COMMD10: variants seen among roughly 807,000 people sequenced by gnomAD.
The protein encoded by COMMD10 is COMM domain-containing protein 10.
A neutral mutation model predicts 28.9 loss-of-function variants in COMMD10; 33 were observed. That is an observed-to-expected ratio of 1.14 (90% CI 0.87 to 1.53). The LOEUF is 1.53. COMMD10 is among the 40% of genes most tolerant of loss of function. COMMD10 has a pLI of 0.00. For missense variants in COMMD10, 310 were observed against 233.4 expected (o/e 1.33, Z -2.14); for synonymous variants, 110 against 81.7 (o/e 1.35, Z -1.87).
At chr5:116,261,063 G>A (rs974298213) in intron 5 of COMMD10, among the ~76,000 whole-genome samples, 7 of 151,762 alleles carry the variant, frequency 4.6e-5, no homozygotes. Flanking sequence ...TCCTACTTGA[G>A]AGACATCAGT....
intron 5 of COMMD10, among the ~76,000 whole-genome samples, chr5:116,233,019 C>A (rs577233599): frequency 1.3e-5 from 2 of 152,100 alleles, no homozygotes; most frequent in South Asian, 2.1e-4. Context: ...ATGTGGAGCA[C>A]GGTAGCATTT....
At chr5:116,243,149 G>A (rs1749856948) in intron 5 of COMMD10, among the ~76,000 whole-genome samples, 1 of 152,082 alleles carries the variant, frequency 6.6e-6, no homozygotes, top group African/African-American at 2.4e-5. Flanking sequence ...ATTAAATGCT[G>A]ACTGCACTAT....
At chr5:116,131,245 A>G (rs753634923) in intron 4 of COMMD10, among the ~76,000 whole-genome samples, 3 of 152,050 alleles carry the variant, frequency 2.0e-5, no homozygotes, top group Admixed American at 6.6e-5. Flanking sequence ...GTCAATTAGT[A>G]TGGAACTTCA....
chr5:116,143,152 A>C (rs1301560746), intron 5 of COMMD10, among the ~76,000 whole-genome samples: 2 of 149,858 alleles, frequency 1.3e-5, no homozygotes, highest in Non-Finnish European at 3.0e-5. Context: ...GATACAAATC[A>C]TATGTATATA....
chr5:116,192,895 A>T (rs987903345), intron 5 of COMMD10, among the ~76,000 whole-genome samples: 1 of 152,234 alleles, frequency 6.6e-6, no homozygotes, highest in African/African-American at 2.4e-5. Flanking sequence ...AAAGAATCTT[A>T]AGAGCTGTGA....
chr5:116,181,647 C>T (rs1004034951), intron 5 of COMMD10, among the ~76,000 whole-genome samples: 3 of 151,744 alleles, frequency 2.0e-5, no homozygotes, highest in African/African-American at 7.3e-5. Context: ...GTGCAGGATG[C>T]TTCTGGTCCA....
intron 5 of COMMD10, among the ~76,000 whole-genome samples, chr5:116,256,851 G>C (rs1750302279): frequency 6.6e-6 from 1 of 151,658 alleles, no homozygotes; most frequent in Admixed American, 6.6e-5. Context: ...CCAGCCACGT[G>C]GATACTCTGT....
intron 5 of COMMD10, among the ~76,000 whole-genome samples, chr5:116,259,006 T>G (rs1006856190): frequency 6.6e-6 from 1 of 151,606 alleles, no homozygotes; most frequent in South Asian, 2.1e-4. Context: ...GGATTCTGAA[T>G]AATCTTTTGT....
intron 5 of COMMD10, among the ~76,000 whole-genome samples, chr5:116,283,235 A>C (rs1185324897): frequency 1.3e-5 from 2 of 151,984 alleles, no homozygotes; most frequent in African/African-American, 2.4e-5. Context: ...GCAATAAAAC[A>C]AAAACTCTAC....
chr5:116,260,126 A>G (rs1301907696), intron 5 of COMMD10, among the ~76,000 whole-genome samples: 1 of 151,784 alleles, frequency 6.6e-6, no homozygotes, highest in Admixed American at 6.6e-5. Flanking sequence ...CTCATTGGCC[A>G]TCCATTCTTT....
At chr5:116,261,749 T>C (rs768331080) in intron 5 of COMMD10, among the ~76,000 whole-genome samples, 11 of 151,888 alleles carry the variant, frequency 7.2e-5, no homozygotes, top group East Asian at 5.8e-4. Flanking sequence ...TCTTCACTTA[T>C]CAACTTAAAC....
intron 5 of COMMD10, among the ~76,000 whole-genome samples, chr5:116,200,216 T>C (rs1387337916): frequency 6.6e-6 from 1 of 152,118 alleles, no homozygotes; most frequent in African/African-American, 2.4e-5. Context: ...TATTCGTTTT[T>C]TCTACTATAT....
chr5:116,161,515 T>C (rs1230447817), intron 5 of COMMD10, among the ~76,000 whole-genome samples: 2 of 152,118 alleles, frequency 1.3e-5, no homozygotes, highest in African/African-American at 4.8e-5. Context: ...CCCCGAGACC[T>C]TTATTACTAG....
intron 5 of COMMD10, among the ~76,000 whole-genome samples, chr5:116,183,609 T>G (rs192412248): frequency 6.6e-6 from 1 of 152,136 alleles, no homozygotes; most frequent in Non-Finnish European, 1.5e-5. Flanking sequence ...GAGAGTGCTG[T>G]TTCTTTATAT....
chr5:116,137,472 T>A (rs1362335318), intron 5 of COMMD10, among the ~76,000 whole-genome samples: 1 of 152,008 alleles, frequency 6.6e-6, no homozygotes, highest in Non-Finnish European at 1.5e-5. Flanking sequence ...ACAGGAAGCA[T>A]TGGGTACAGT....
rs78393097 is a variant in COMMD10 at position 116,173,342 on chromosome 5, C to T, written c.510+39164C>T. ...ATTCAATTTTCCAGTTATATATACA[C>T]CTTTAAAGTGTTATATAAGCCAATT... On this transcript the variant is annotated intron_variant, in intron 5 of 6. Coordinates refer to ENST00000274458, the MANE Select transcript of COMMD10 (RefSeq NM_016144.4). 2.4e-3 allele frequency among the ~76,000 whole-genome samples: 358 copies of T among 152,124 alleles called. 3 individuals are homozygous for T. The highest frequency in any genetic ancestry group is 8.5e-3 in the African/African-American group (351 of 41,510).
At chr5:116,177,248 C>G (rs990375171) in intron 5 of COMMD10, among the ~76,000 whole-genome samples, 1 of 152,016 alleles carries the variant, frequency 6.6e-6, no homozygotes, top group Non-Finnish European at 1.5e-5. Context: ...CAGAAATAAG[C>G]TGGGACATTT....
rs149302519 is a variant in COMMD10, at chr5:116,141,088, C to G, written c.510+6910C>G. Among the ~76,000 whole-genome samples the G allele has an allele frequency of 1.2e-4, 18 of 151,714 alleles. No individual in the cohort carries two copies. In the East Asian group the frequency reaches 2.5e-3, roughly 21 times the overall value. ...GATCTTATGTTTAGGTCTTTTATCT[C>G]TTTTGAGTTTGATTTTTGTGTATGG... is the stretch of plus-strand genomic sequence containing the variant. On this transcript the variant is annotated intron_variant, in intron 5 of 6. Transcript: ENST00000274458.
chr5:116,127,087 C>T (rs1440888922), intron 4 of COMMD10, among the ~76,000 whole-genome samples: 3 of 152,102 alleles, frequency 2.0e-5, no homozygotes, highest in Admixed American at 2.0e-4. Flanking sequence ...AAGAGAAAAT[C>T]AAACAACCCC....
Sources: gnomAD v4.1 joint callset for allele counts (sites outside exome capture counted in the v4.1 genomes callset) on GRCh38, gnomAD v4.1.1 for gene constraint, MANE v1.5 for transcripts, NCBI Gene and HGNC (gene_info 2026-07-23, HGNC 2026-07-21) for gene names.